The following NR3C1 variants were observed in gnomAD, a reference collection of about 807,000 sequenced individuals.
NR3C1 encodes nuclear receptor subfamily 3 group C member 1.
In NR3C1, 14 loss-of-function variants were observed where a neutral mutation model predicts 74.0. The observed-to-expected ratio is 0.19, with a 90% CI of 0.12 to 0.30. The LOEUF (loss-of-function observed/expected upper bound fraction) is 0.30. NR3C1 is among the 10% of genes least tolerant of loss of function. NR3C1 has a pLI of 1.00. For synonymous variants in NR3C1, 308 were observed against 332.5 expected (o/e 0.93, Z 0.80); for missense variants, 695 against 909.8 (o/e 0.76, Z 3.04).
chr5:143,420,660 A>T (rs1751178632), intron 1 of NR3C1, among the ~76,000 whole-genome samples: 2 of 152,170 alleles, frequency 1.3e-5, no homozygotes, highest in Admixed American at 1.3e-4. Flanking sequence ...TAGTGGGTAG[A>T]AGCCAGGGAT....
In NR3C1 at chr5:143,400,577, A is replaced by T; in HGVS notation, c.263T>A (p.Leu88Gln). 1.9e-6 allele frequency: 3 copies of T among 1,614,256 alleles called. No individual in the cohort carries two copies. Among genetic ancestry groups the T allele is most frequent in the Non-Finnish European group, 2.5e-6 (3 of 1,180,042 alleles). Residue 88 changes from leucine (L) to glutamine (Q), a missense_variant, in exon 2 of 9, where the codon CTG becomes CAG. Leu to Gln is a moderately radical substitution (Grantham distance 113, BLOSUM62 -2). Transcript: ENST00000394464. ...LSKAVSLSMG[L>Q]YMGETETKVM... is the part of the protein sequence containing the mutation. The stretch of plus-strand genomic sequence containing the variant: ...TTTTGTTTCTGTCTCTCCCATATAC[A>T]GTCCCATTGAGAGTGAAACTGCTTT...
At chr5:143,343,194 A>G (rs1422616773) in intron 2 of NR3C1, among the ~76,000 whole-genome samples, 1 of 152,250 alleles carries the variant, frequency 6.6e-6, no homozygotes, top group Non-Finnish European at 1.5e-5. Context: ...AGTGCAATGC[A>G]GAGCCCAGAA....
In NR3C1 at chr5:143,279,392, G is replaced by C; in HGVS notation, c.*2497C>G. ...GATTAATGTGTGAGATGTGCTTTCT[G>C]GTTTTAACCACATAACATTCTATAA... On this transcript the variant is annotated 3_prime_UTR_variant, in exon 9 of 9. Transcript: ENST00000394464. 1 of 1,547,886 alleles carries C rather than the reference G, an allele frequency of 6.5e-7. No homozygotes were observed. Among genetic ancestry groups the C allele is most frequent in the Non-Finnish European group, 8.7e-7 (1 of 1,147,044 alleles).
At chr5:143,322,120 C>T (rs1823511711) in intron 2 of NR3C1, among the ~76,000 whole-genome samples, 1 of 152,214 alleles carries the variant, frequency 6.6e-6, no homozygotes, top group Non-Finnish European at 1.5e-5. Flanking sequence ...TATGCAAGCT[C>T]TTTCTTTGTA....
chr5:143,403,134 C>T (rs1477172266), intron 1 of NR3C1, 77 bp downstream of exon 1: 2 of 981,048 alleles, frequency 2.0e-6, no homozygotes, highest in Non-Finnish European at 2.4e-6. Context: ...CCCGCGGCGG[C>T]CCCCGAGTTG....
At chr5:143,419,647 G>C (rs530056842) in intron 1 of NR3C1, among the ~76,000 whole-genome samples, 7 of 152,266 alleles carry the variant, frequency 4.6e-5, no homozygotes, top group African/African-American at 1.7e-4. Context: ...GTACGAATAG[G>C]TGTGGGTCAC....
intron 1 of NR3C1, among the ~76,000 whole-genome samples, chr5:143,426,730 G>A (rs1259811471): frequency 6.6e-6 from 1 of 152,138 alleles, no homozygotes; most frequent in Non-Finnish European, 1.5e-5. Context: ...AAAATTAGTG[G>A]GTCAAATCCT....
chr5:143,412,910 G>T (rs977137518), intron 1 of NR3C1, among the ~76,000 whole-genome samples: 1 of 152,130 alleles, frequency 6.6e-6, no homozygotes, highest in South Asian at 2.1e-4. Context: ...CTGATGATTA[G>T]CTATTTTAGG....
At chr5:143,338,750 A>C (rs1827653737) in intron 2 of NR3C1, among the ~76,000 whole-genome samples, 1 of 152,184 alleles carries the variant, frequency 6.6e-6, no homozygotes, top group African/African-American at 2.4e-5. Context: ...ATTATTGAAG[A>C]AAATTTTTCT....
chr5:143,298,065 G>A (rs533368071), intron 6 of NR3C1, among the ~76,000 whole-genome samples: 1 of 152,188 alleles, frequency 6.6e-6, no homozygotes, highest in Non-Finnish European at 1.5e-5. Context: ...GGAAACAACT[G>A]CAATGAGGTA....
exon 1 of NR3C1, chr5:143,434,834 T>A: frequency 1.0e-6 from 1 of 985,452 alleles, no homozygotes; most frequent in Non-Finnish European, 1.2e-6. Context: ...GCAGATTCCT[T>A]TTTTCAGAAG....
intron 6 of NR3C1, among the ~76,000 whole-genome samples, chr5:143,296,064 T>A (rs1277771088): frequency 6.6e-6 from 1 of 152,210 alleles, no homozygotes; most frequent in Non-Finnish European, 1.5e-5. Flanking sequence ...ACCTAGAACT[T>A]GATTCTAGAC....
rs72542760 is a variant in NR3C1, at chr5:143,280,952, G to T, written c.*937C>A. The T allele has an allele frequency of 3.4e-4, 52 of 152,218 alleles. No individual in the cohort carries two copies. The highest frequency in any genetic ancestry group is 1.1e-3 in the African/African-American group (45 of 41,544). The allele number at this position is 152,218 out of a possible 1,614,324, so 9.4% of individuals were successfully genotyped here. A position where few individuals can be genotyped will look rare whatever the true frequency, so the allele number is the denominator to read the frequency against. On this transcript the variant is annotated 3_prime_UTR_variant, in exon 9 of 9. Transcript: ENST00000394464. ...TAGCCATTGCAAAAATAGGGCGTTA[G>T]GTACAGACAGGGCCTCTTGGTAGTT...
At chr5:143,366,943 C>G (rs1325800220) in intron 2 of NR3C1, among the ~76,000 whole-genome samples, 1 of 152,148 alleles carries the variant, frequency 6.6e-6, no homozygotes, top group Non-Finnish European at 1.5e-5. Flanking sequence ...GTAAACTATA[C>G]AGCTTACTAT....
At chr5:143,418,062 G>A (rs1341848377) in intron 1 of NR3C1, among the ~76,000 whole-genome samples, 1 of 152,174 alleles carries the variant, frequency 6.6e-6, no homozygotes, top group African/African-American at 2.4e-5. Flanking sequence ...GAAATAAAAT[G>A]ATTTGTTTGA....
At chr5:143,320,735 ATTTC>A (rs1206250414) in intron 2 of NR3C1, among the ~76,000 whole-genome samples, 2 of 152,152 alleles carry the variant, frequency 1.3e-5, no homozygotes, top group Non-Finnish European at 2.9e-5. Context: ...GAAATAATGT[ATTTC>A]TTTCTCATTG....
chr5:143,309,906 TAAAC>T (rs1820538365), intron 4 of NR3C1, among the ~76,000 whole-genome samples, 187 bp downstream of exon 4: 3 of 152,286 alleles, frequency 2.0e-5, no homozygotes, highest in Admixed American at 6.5e-5. Context: ...AACTGGTGGA[TAAAC>T]AAACAATATG....
chr5:143,421,881 A>T (rs1751251974), intron 1 of NR3C1, among the ~76,000 whole-genome samples: 1 of 152,172 alleles, frequency 6.6e-6, no homozygotes, highest in East Asian at 1.9e-4. Flanking sequence ...GCTTTTGTGG[A>T]CACACTGAAG....
intron 2 of NR3C1, among the ~76,000 whole-genome samples, chr5:143,314,412 C>T (rs1199605911): frequency 6.9e-6 from 1 of 145,832 alleles, no homozygotes; most frequent in African/African-American, 2.5e-5. Flanking sequence ...TTCTGGTTCA[C>T]TTCTTCTTCT....
Sources: gnomAD v4.1 joint callset for allele counts (sites outside exome capture counted in the v4.1 genomes callset) on GRCh38, gnomAD v4.1.1 for gene constraint, MANE v1.5 for transcripts, NCBI Gene and HGNC (gene_info 2026-07-23, HGNC 2026-07-21) for gene names.